The following KCNK9 variants were observed in gnomAD, a reference collection of about 807,000 sequenced individuals.
KCNK9 encodes potassium channel subfamily K member 9.
A neutral mutation model predicts 10.8 loss-of-function variants in KCNK9; 1 was observed. The ratio of observed to expected loss-of-function variants is 0.09; its 90% CI spans 0.03 to 0.44. The LOEUF (loss-of-function observed/expected upper bound fraction) is 0.44, where lower values mean the gene tolerates loss of function less well. Among genes scored for constraint, KCNK9 ranks in the 20% least tolerant of loss-of-function variants. The pLI is 0.97. For missense variants in KCNK9, 303 were observed against 515.0 expected, an observed-to-expected ratio of 0.59 and a Z score of 3.98; for synonymous variants, 231 against 222.7, an observed-to-expected ratio of 1.04 and a Z score of -0.33.
chr8:139,637,435 T>C (rs977349893), intron 1 of KCNK9, among the ~76,000 whole-genome samples: 2 of 152,114 alleles, frequency 1.3e-5, no homozygotes, highest in African/African-American at 2.4e-5. Flanking sequence ...TGTAAACAGA[T>C]AGAAATTTAA....
intron 2 of KCNK9, among the ~76,000 whole-genome samples, chr8:139,606,414 C>T (rs908636792): frequency 2.0e-5 from 3 of 152,132 alleles, no homozygotes; most frequent in Non-Finnish European, 2.9e-5. Context: ...CACAGATATC[C>T]GGTCAATGCA....
chr8:139,668,806 C>T (rs745348105), intron 1 of KCNK9, among the ~76,000 whole-genome samples: 3 of 152,180 alleles, frequency 2.0e-5, no homozygotes, highest in Non-Finnish European at 4.4e-5. Context: ...TCGTGGTGAT[C>T]TTGAACTGAG....
At chr8:139,612,377 A>G (rs921152425), downstream of KCNK9, 8 of 152,316 alleles carry the variant, frequency 5.3e-5, no homozygotes, top group East Asian at 1.5e-3. Context: ...TTACATTTTT[A>G]TGATGATGAA....
intron 1 of KCNK9, among the ~76,000 whole-genome samples, chr8:139,662,873 A>AG (rs1410454061): frequency 0.018 from 215 of 12,236 alleles, no homozygotes; most frequent in Middle Eastern, 0.1. Context: ...GGGTGGGGGA[A>AG]GGGGGGGGGG....
intron 1 of KCNK9, among the ~76,000 whole-genome samples, chr8:139,700,359 T>G (rs1245291828): frequency 6.6e-6 from 1 of 152,170 alleles, no homozygotes; most frequent in Non-Finnish European, 1.5e-5. Context: ...GGAAATGACC[T>G]CTCTCTGGTC....
chr8:139,687,812 A>C (rs1198082780), intron 1 of KCNK9, among the ~76,000 whole-genome samples: 1 of 151,206 alleles, frequency 6.6e-6, no homozygotes, highest in Non-Finnish European at 1.5e-5. Flanking sequence ...CTAAACCCCC[A>C]TCCACTTCTC....
intron 1 of KCNK9, among the ~76,000 whole-genome samples, chr8:139,698,045 G>A (rs1056654855): frequency 1.3e-5 from 2 of 152,190 alleles, no homozygotes; most frequent in Non-Finnish European, 2.9e-5. Flanking sequence ...TCTACTGAAG[G>A]GTGGAGCTAA....
intron 1 of KCNK9, among the ~76,000 whole-genome samples, chr8:139,677,870 AT>A (rs1816595901): frequency 2.4e-5 from 1 of 42,174 alleles, no homozygotes; most frequent in African/African-American, 5.4e-5. Flanking sequence ...AGGGGTCCCC[AT>A]GGCTGCAGAG....
intron 1 of KCNK9, among the ~76,000 whole-genome samples, chr8:139,675,546 A>G (rs570328323): frequency 1.4e-4 from 22 of 152,292 alleles, no homozygotes; most frequent in African/African-American, 3.8e-4. Flanking sequence ...TGTAACCGAA[A>G]GAGGGCCCCC....
chr8:139,618,933 G>A lies in KCNK9; in HGVS notation c.450C>T (p.Arg150=). The part of the protein sequence containing the change: ...LKRIKKCCGM[R]NTDVSMENMV... ...TGTTCTCCATAGACACGTCAGTGTT[G>A]CGCATGCCACAGCACTTCTTAATGC... Residue 150 remains arginine (R), a synonymous_variant, in exon 2 of 2, where the codon CGC becomes CGT. Transcript: ENST00000520439. This position sits in a 1 kb window ranked among gnomAD's most constrained non-coding sequence, Gnocchi z 7.9. 1 of 1,614,216 alleles carries A rather than the reference G, an allele frequency of 6.2e-7. No homozygotes were observed. The highest frequency in any genetic ancestry group is 8.5e-7 in the Non-Finnish European group (1 of 1,180,040).
intron 2 of KCNK9, among the ~76,000 whole-genome samples, chr8:139,602,737 C>T (rs1817401302): frequency 6.6e-6 from 1 of 152,206 alleles, no homozygotes; most frequent in South Asian, 2.1e-4. Flanking sequence ...CAAAGAAGTT[C>T]TGATACTGCT....
intron 1 of KCNK9, among the ~76,000 whole-genome samples, chr8:139,661,619 A>G (rs1816153376): frequency 6.6e-6 from 1 of 152,154 alleles, no homozygotes; most frequent in Non-Finnish European, 1.5e-5. Flanking sequence ...TCCAGCCCCC[A>G]GCACCAGCCC....
At chr8:139,699,112 A>G (rs546858896) in intron 1 of KCNK9, among the ~76,000 whole-genome samples, 27 of 152,278 alleles carry the variant, frequency 1.8e-4, no homozygotes, top group African/African-American at 6.3e-4. Context: ...ATTGTCCTCT[A>G]CACTCTGCAG....
chr8:139,617,782 AAC>A lies in KCNK9; in HGVS notation c.*474_*475del, dbSNP rs954697036. Among the ~76,000 whole-genome samples, 2 of 152,076 alleles carry A rather than the reference AAC, an allele frequency of 1.3e-5. No individual in the cohort carries two copies. Among genetic ancestry groups the A allele is most frequent in the East Asian group, 3.9e-4 (2 of 5,190 alleles). On this transcript the variant is annotated 3_prime_UTR_variant, in exon 2 of 2. Transcript: ENST00000520439. ...CACGTGCACACAGAAGCACACACAC[AAC>A]ACACACACAGTCACTCAGTCCTTAG...
At chr8:139,696,876 G>A (rs1043042610) in intron 1 of KCNK9, among the ~76,000 whole-genome samples, 2 of 150,640 alleles carry the variant, frequency 1.3e-5, no homozygotes, top group African/African-American at 4.9e-5. Context: ...TAGATGGGTA[G>A]GTGGATGGAT....
intron 1 of KCNK9, among the ~76,000 whole-genome samples, chr8:139,645,042 G>T (rs776982178): frequency 1.2e-4 from 18 of 152,208 alleles, no homozygotes; most frequent in Non-Finnish European, 1.6e-4. Flanking sequence ...TCAGACCCAC[G>T]CACGGGGTGG....
chr8:139,672,747 G>A (rs567705716), intron 1 of KCNK9, among the ~76,000 whole-genome samples: 1 of 152,322 alleles, frequency 6.6e-6, no homozygotes, highest in East Asian at 1.9e-4. Context: ...CCTCTCCAGA[G>A]ACAGGAGCCG....
Position 139,667,986 on chromosome 8 carries a change from T to C in KCNK9, c.283+34724A>G, listed in dbSNP as rs180763565. On this transcript the variant is annotated intron_variant, in intron 1 of 1. Transcript: ENST00000520439. ...CTCCTTTTACCATTCCTTGCTTTAC[T>C]ACACTTTGCAGATACTGTGTTTCTT... 6.6e-4 allele frequency among the ~76,000 whole-genome samples: 100 copies of C among 152,340 alleles called. No homozygotes were observed. In the East Asian group the frequency reaches 0.011, roughly 17 times the overall value.
intron 1 of KCNK9, among the ~76,000 whole-genome samples, chr8:139,627,769 A>G (rs1815023335): frequency 6.6e-6 from 1 of 152,194 alleles, no homozygotes; most frequent in Non-Finnish European, 1.5e-5. Context: ...GCACTTTGCA[A>G]TTCACACTCC....
Sources: gnomAD v4.1 joint callset for allele counts (sites outside exome capture counted in the v4.1 genomes callset) on GRCh38, gnomAD v4.1.1 for gene constraint, Gnocchi (gnomAD v3.1) non-coding constraint, MANE v1.5 for transcripts, NCBI Gene and HGNC (gene_info 2026-07-23, HGNC 2026-07-21) for gene names.